The following ASCC3 variants were observed in gnomAD, a reference collection of about 807,000 sequenced individuals.
ASCC3 encodes activating signal cointegrator 1 complex subunit 3, also known as ASC-1 complex subunit P200.
Under a neutral mutation model 256.3 loss-of-function variants are expected in ASCC3, and 158 were observed. The observed-to-expected ratio is 0.62, with a 90% CI of 0.54 to 0.70. The LOEUF (loss-of-function observed/expected upper bound fraction) is 0.70, where lower values mean the gene tolerates loss of function less well. ASCC3 is among the 30% of genes least tolerant of loss of function. The probability of loss-of-function intolerance (pLI) is 0.00; values close to 1 mark genes in which losing one functional copy is unlikely to be tolerated. For missense variants in ASCC3, 2,259 were observed against 2,626.0 expected, an observed-to-expected ratio of 0.86 and a Z score of 3.05; for synonymous variants, 948 against 883.4, an observed-to-expected ratio of 1.07 and a Z score of -1.30.
intron 8 of ASCC3, among the ~76,000 whole-genome samples, chr6:100,779,549 C>A (rs1328547021): frequency 6.6e-6 from 1 of 152,144 alleles, no homozygotes; most frequent in African/African-American, 2.4e-5. Flanking sequence ...GGTGAAAAAG[C>A]TTTCAGATAA....
At chr6:100,634,593 T>C (rs75494296) in intron 25 of ASCC3, among the ~76,000 whole-genome samples, 4,607 of 152,208 alleles carry the variant, frequency 0.03, 77 homozygotes, top group African/African-American at 0.055. Context: ...TCTGAATACA[T>C]ATTTTTTTCC....
At chr6:100,785,063 A>C (rs995417427) in intron 8 of ASCC3, among the ~76,000 whole-genome samples, 1 of 152,134 alleles carries the variant, frequency 6.6e-6, no homozygotes, top group African/African-American at 2.4e-5. Context: ...AAGACAGTAC[A>C]TGGACACTGT....
chr6:100,790,156 G>T (rs561796921), intron 8 of ASCC3, among the ~76,000 whole-genome samples: 1 of 152,030 alleles, frequency 6.6e-6, no homozygotes, highest in South Asian at 2.1e-4. Flanking sequence ...AGAATTTACC[G>T]ATTACCTAAA....
chr6:100,733,362 C>T (rs1030183662), intron 10 of ASCC3, among the ~76,000 whole-genome samples: 1 of 152,058 alleles, frequency 6.6e-6, no homozygotes, highest in East Asian at 1.9e-4. Context: ...TGGGTCATGA[C>T]GTCAGATCCC....
intron 39 of ASCC3, among the ~76,000 whole-genome samples, chr6:100,514,103 T>TA (rs974376363): frequency 2.0e-5 from 3 of 151,898 alleles, no homozygotes; most frequent in Non-Finnish European, 2.9e-5. Context: ...CCTTAGGAAT[T>TA]AAAAAAAATG....
intron 30 of ASCC3, among the ~76,000 whole-genome samples, chr6:100,612,408 C>G (rs1414933968): frequency 6.6e-6 from 1 of 151,986 alleles, no homozygotes; most frequent in Middle Eastern, 3.2e-3. Flanking sequence ...ATCTGTTGTG[C>G]TGGTTTTCTC....
intron 13 of ASCC3, among the ~76,000 whole-genome samples, chr6:100,706,302 G>C (rs2115006804): frequency 6.6e-6 from 1 of 151,302 alleles, no homozygotes; most frequent in East Asian, 2.0e-4. Context: ...GCTAGTGACT[G>C]GGATAACATT....
chr6:100,769,994 G>T (rs755853177), intron 8 of ASCC3, among the ~76,000 whole-genome samples: 9 of 151,714 alleles, frequency 5.9e-5, no homozygotes, highest in Non-Finnish European at 1.3e-4. Flanking sequence ...ATTCTTGAAT[G>T]AATTCCACCT....
At chr6:100,833,825 C>T (rs992498730) in intron 4 of ASCC3, among the ~76,000 whole-genome samples, 3 of 152,128 alleles carry the variant, frequency 2.0e-5, no homozygotes, top group Admixed American at 2.0e-4. Flanking sequence ...TGCCTGTCAT[C>T]CCAGCACTTT....
At position 100,610,439 on chromosome 6, in the gene ASCC3, GT is replaced by G. The variant is rs200035890; in HGVS notation, c.4786-3352del. Among the ~76,000 whole-genome samples, 1,015 of 151,034 alleles carry G rather than the reference GT, an allele frequency of 6.7e-3. 4 individuals are homozygous for G. Among genetic ancestry groups the G allele is most frequent in the African/African-American group, 0.012 (475 of 41,214 alleles). ...TTCACTAGTCAGAAAAATTTTCTAA[GT>G]TTTTTTTTAATGTGGAAGCAAGCTG... is the stretch of plus-strand genomic sequence containing the variant. On this transcript the variant is annotated intron_variant, in intron 30 of 41. Coordinates refer to ENST00000369162, the MANE Select transcript of ASCC3 (RefSeq NM_006828.4).
intron 10 of ASCC3, among the ~76,000 whole-genome samples, chr6:100,752,853 A>C (rs2115097206): frequency 6.6e-6 from 1 of 152,304 alleles, no homozygotes; most frequent in South Asian, 2.1e-4. Flanking sequence ...TGTCTCTCAA[A>C]TGTAGAAAAA....
intron 37 of ASCC3, among the ~76,000 whole-genome samples, chr6:100,538,166 T>A (rs906733761): frequency 1.3e-5 from 2 of 152,106 alleles, no homozygotes; most frequent in Non-Finnish European, 2.9e-5. Context: ...TTAATTCATC[T>A]TGCCACTTCT....
intron 4 of ASCC3, among the ~76,000 whole-genome samples, chr6:100,824,935 A>T (rs2114435514): frequency 6.6e-6 from 1 of 152,278 alleles, no homozygotes; most frequent in Non-Finnish European, 1.5e-5. Context: ...TAATGTGAAT[A>T]AAAAATACAA....
chr6:100,718,256 A>T lies in ASCC3; in HGVS notation c.1903-5T>A. On this transcript the variant is annotated splice_region_variant and splice_polypyrimidine_tract_variant and intron_variant, in intron 11 of 41. Coordinates refer to ENST00000369162, the MANE Select transcript of ASCC3 (RefSeq NM_006828.4). The stretch of plus-strand genomic sequence containing the variant: ...CATACTCTGTGTGGATTCCACCTAT[A>T]TGGATTATTTTAATTAAATATGGGT... The T allele has an allele frequency of 6.3e-7, 1 of 1,592,172 alleles. No homozygotes were observed. Among genetic ancestry groups the T allele is most frequent in the South Asian group, 1.1e-5 (1 of 87,608 alleles).
chr6:100,802,044 A>T (rs1769941680), intron 5 of ASCC3, among the ~76,000 whole-genome samples: 1 of 151,034 alleles, frequency 6.6e-6, no homozygotes, highest in Admixed American at 6.7e-5. Context: ...TCATCCAAAT[A>T]AAATTAAAAT....
intron 37 of ASCC3, among the ~76,000 whole-genome samples, chr6:100,529,575 A>G (rs746473453): frequency 5.7e-4 from 87 of 152,196 alleles, no homozygotes; most frequent in Middle Eastern, 3.2e-3. Flanking sequence ...TATGCATTGA[A>G]AAACAGGGAT....
chr6:100,625,933 G>T (rs1304564434), intron 29 of ASCC3, among the ~76,000 whole-genome samples: 1 of 151,878 alleles, frequency 6.6e-6, no homozygotes, highest in African/African-American at 2.4e-5. Flanking sequence ...TGTGAGAAAG[G>T]CAGACAAGAT....
intron 1 of ASCC3, 122 bp from the exon 2 acceptor site, chr6:100,868,160 C>T (rs945376087): frequency 6.2e-5 from 39 of 624,194 alleles, no homozygotes; most frequent in Middle Eastern, 5.2e-4. Context: ...TTGTTATCAA[C>T]GTTGAAAAAT....
At chr6:100,651,703 T>C in intron 18 of ASCC3, 57 bp from the exon 19 acceptor site, 1 of 940,346 alleles carries the variant, frequency 1.1e-6, no homozygotes. Context: ...TATTTTAAAT[T>C]AAAAATGTGA....
Sources: allele counts gnomAD v4.1 joint callset (sites outside exome capture counted in the v4.1 genomes callset), GRCh38; gene constraint gnomAD v4.1.1; transcripts MANE v1.5; gene names NCBI Gene and HGNC (gene_info 2026-07-23, HGNC 2026-07-21).